Variants in ADGRL2 observed in about 807,000 individuals in gnomAD.
ADGRL2 encodes the protein calcium-independent alpha-latrotoxin receptor 2.
Under a neutral mutation model 157.4 loss-of-function variants are expected in ADGRL2, and 44 were observed. The ratio of observed to expected loss-of-function variants is 0.28; its 90% CI spans 0.22 to 0.36. The LOEUF (loss-of-function observed/expected upper bound fraction) is 0.36, where lower values mean the gene tolerates loss of function less well. ADGRL2 is among the 10% of genes least tolerant of loss of function. The pLI, the probability that ADGRL2 is intolerant of heterozygous loss-of-function variation, is 1.00. For synonymous variants in ADGRL2, 585 were observed against 624.7 expected (o/e 0.94, Z 0.95); for missense variants, 1,510 against 1,768.9 (o/e 0.85, Z 2.63).
Position 81,332,187 on chromosome 1 carries a change from G to A in ADGRL2, c.-302+25678G>A, listed in dbSNP as rs568801839. Reference sequence around the variant, plus strand: ...CCAACTCTGTGCCTTTCACTGAAGCGTAAATCACAGCATAAGTTTTATATT... The same window carrying A: ...CCAACTCTGTGCCTTTCACTGAAGCATAAATCACAGCATAAGTTTTATATT... On this transcript the variant is annotated intron_variant, in intron 1 of 24. Transcript: ENST00000370721. 5.3e-5 allele frequency among the ~76,000 whole-genome samples: 8 copies of A among 152,222 alleles called. No individual in the cohort carries two copies. In the South Asian group the frequency reaches 1.4e-3, roughly 28 times the overall value.
intron 1 of ADGRL2, among the ~76,000 whole-genome samples, chr1:81,381,931 G>C (rs2076351635): frequency 6.6e-6 from 1 of 152,086 alleles, no homozygotes; most frequent in Non-Finnish European, 1.5e-5. Context: ...AGCTTGCCTG[G>C]CCTGATTTTT....
intron 1 of ADGRL2, among the ~76,000 whole-genome samples, chr1:81,374,360 T>A (rs1049508363): frequency 2.6e-5 from 4 of 151,954 alleles, no homozygotes; most frequent in Non-Finnish European, 5.9e-5. Flanking sequence ...TCACCTGAGG[T>A]CAGGAGTTCG....
At chr1:81,695,534 A>G (rs559145), upstream of ADGRL2, among the ~76,000 whole-genome samples, 99,222 of 151,998 alleles carry the variant, frequency 0.65, 32,774 homozygotes, top group Middle Eastern at 0.68. Context: ...AGAATTGAGT[A>G]TGAGGCTGGG....
intron 2 of ADGRL2, among the ~76,000 whole-genome samples, chr1:81,876,289 T>C (rs2093839864): frequency 6.6e-6 from 1 of 152,172 alleles, no homozygotes; most frequent in South Asian, 2.1e-4. Flanking sequence ...GTAAGTTAAA[T>C]ACCTTTTATC....
At chr1:81,739,351 A>T (rs947415598) in intron 1 of ADGRL2, among the ~76,000 whole-genome samples, 32 of 152,320 alleles carry the variant, frequency 2.1e-4, no homozygotes, top group Admixed American at 1.7e-3. Flanking sequence ...GAGATTATAC[A>T]TGTATGCATC....
chr1:81,607,720 T>C (rs756653518), intron 3 of ADGRL2, among the ~76,000 whole-genome samples: 6 of 152,190 alleles, frequency 3.9e-5, no homozygotes, highest in Non-Finnish European at 8.8e-5. Flanking sequence ...ATTTTAGAAA[T>C]CTCTCCCAAA....
At position 81,895,230 on chromosome 1, in the gene ADGRL2, A is replaced by G. The variant is rs191763667; in HGVS notation, c.74-11787A>G. On this transcript the variant is annotated intron_variant, in intron 2 of 23. Transcript: ENST00000686636. ...AGAGTTGGTATTAATTGGCCCCCTT[A>G]TAGAAACCTTTGAGGAGGAAGCTGT... 2.6e-5 allele frequency among the ~76,000 whole-genome samples: 4 copies of G among 152,206 alleles called. No individual in the cohort carries two copies. In the East Asian group the frequency reaches 7.7e-4, roughly 29 times the overall value.
At chr1:81,614,847 TA>T (rs112809079) in intron 3 of ADGRL2, among the ~76,000 whole-genome samples, 32,496 of 145,196 alleles carry the variant, frequency 0.22, 3,936 homozygotes, top group East Asian at 0.34. Flanking sequence ...CTCTACAAAT[TA>T]AAAAAAAAAA....
At chr1:81,618,195 C>T (rs1300418214) in intron 3 of ADGRL2, among the ~76,000 whole-genome samples, 1 of 152,074 alleles carries the variant, frequency 6.6e-6, no homozygotes, top group African/African-American at 2.4e-5. Context: ...TGTATTATGG[C>T]ACTTGACATA....
chr1:81,682,870 G>A (rs2083149158), intron 3 of ADGRL2, among the ~76,000 whole-genome samples: 2 of 152,168 alleles, frequency 1.3e-5, no homozygotes, highest in East Asian at 1.9e-4. Flanking sequence ...AGTGGCTCAC[G>A]CCTGTAATCC....
At position 81,601,126 on chromosome 1, in the gene ADGRL2, C is replaced by A. The variant is rs184260397; in HGVS notation, c.-143+20146C>A. On this transcript the variant is annotated intron_variant, in intron 3 of 24. Coordinates refer to the ADGRL2 transcript ENST00000370721. ...AGAGCTGAGCAGGATGATTTATAAA[C>A]CTCAACACATTGAAGACCAAAAAAA... 1.8e-3 allele frequency among the ~76,000 whole-genome samples: 270 copies of A among 152,304 alleles called. 2 individuals carry two copies. The highest frequency in any genetic ancestry group is 6.3e-3 in the African/African-American group (262 of 41,564).
At chr1:81,816,970 T>C (rs1182156438) in intron 1 of ADGRL2, among the ~76,000 whole-genome samples, 2 of 151,792 alleles carry the variant, frequency 1.3e-5, no homozygotes, top group Admixed American at 6.6e-5. Context: ...GGGCTTTTTT[T>C]TTTTCAAGTA....
intron 3 of ADGRL2, among the ~76,000 whole-genome samples, chr1:81,589,628 G>A (rs565979978): frequency 3.9e-4 from 59 of 152,178 alleles, no homozygotes; most frequent in Non-Finnish European, 5.0e-4. Flanking sequence ...TCAGCTATGT[G>A]CAGATAGAGG....
intron 3 of ADGRL2, among the ~76,000 whole-genome samples, chr1:81,617,744 C>T (rs566699103): frequency 2.0e-5 from 3 of 152,262 alleles, no homozygotes; most frequent in Admixed American, 6.5e-5. Context: ...CTTTAAATGG[C>T]GTTTTTCCAT....
At chr1:81,632,581 A>AC (rs1030332581) in intron 3 of ADGRL2, among the ~76,000 whole-genome samples, 1 of 151,922 alleles carries the variant, frequency 6.6e-6, no homozygotes, top group African/African-American at 2.4e-5. Context: ...ACATGGTGAA[A>AC]CCCCGTCTCT....
At position 81,836,934 on chromosome 1, in the gene ADGRL2, T is replaced by C. The variant is rs775814797; in HGVS notation, c.-51T>C. The C allele has an allele frequency of 3.3e-5, 36 of 1,098,962 alleles. No homozygotes were observed. Among genetic ancestry groups the C allele is most frequent in the Admixed American group, 2.3e-4 (10 of 42,728 alleles). 68.1% of individuals were successfully genotyped at this position (1,098,962 alleles called of 1,614,324 possible). A position where few individuals can be genotyped will look rare whatever the true frequency, so the allele number is the denominator to read the frequency against. On this transcript the variant is annotated 5_prime_UTR_variant, in exon 2 of 24. Coordinates refer to ENST00000686636, the MANE Select transcript of ADGRL2 (RefSeq NM_001366006.2). ...GATGGTTTTGATGAAGCTGGGCATT[T>C]ATAACTAGATTCATTAAGGAATACA...
At chr1:81,428,741 G>A (rs2077266117) in intron 1 of ADGRL2, among the ~76,000 whole-genome samples, 1 of 152,098 alleles carries the variant, frequency 6.6e-6, no homozygotes, top group South Asian at 2.1e-4. Flanking sequence ...TTTCTGCTCT[G>A]TTTGATGAGA....
chr1:81,827,721 C>T (rs35859461), intron 1 of ADGRL2, among the ~76,000 whole-genome samples: 21,334 of 151,954 alleles, frequency 0.14, 1,661 homozygotes, highest in East Asian at 0.19. Context: ...GGTGCCACCA[C>T]GCCTGGCTAA....
intron 3 of ADGRL2, among the ~76,000 whole-genome samples, chr1:81,676,681 T>A (rs960640577): frequency 7.1e-6 from 1 of 141,188 alleles, no homozygotes; most frequent in Non-Finnish European, 1.6e-5. Context: ...TCACTGGATT[T>A]ATTTTATTTT....
Sources: allele counts gnomAD v4.1 joint callset (sites outside exome capture counted in the v4.1 genomes callset), GRCh38; gene constraint gnomAD v4.1.1; transcripts MANE v1.5; gene names NCBI Gene and HGNC (gene_info 2026-07-23, HGNC 2026-07-21).